Variants in XPO1 observed in about 807,000 individuals in gnomAD.
XPO1 encodes exportin-1.
Under a neutral mutation model 133.3 loss-of-function variants are expected in XPO1, and 5 were observed. The ratio of observed to expected loss-of-function variants is 0.04; its 90% CI spans 0.02 to 0.08. The LOEUF is 0.08. Among genes scored for constraint, XPO1 ranks in the 10% least tolerant of loss-of-function variants. The pLI is 1.00. For synonymous variants in XPO1, 419 were observed against 408.2 expected (o/e 1.03, Z -0.32); for missense variants, 506 against 1,267.5 (o/e 0.40, Z 9.12).
chr2:61,499,539 G>GATTT (rs1253313583), intron 7 of XPO1, among the ~76,000 whole-genome samples, 174 bp downstream of exon 7: 1 of 152,158 alleles, frequency 6.6e-6, no homozygotes, highest in Non-Finnish European at 1.5e-5. Context: ...AACCTTCAGA[G>GATTT]GTAAATTATT....
Position 61,496,956 on chromosome 2 carries a change from T to C in XPO1, c.811A>G (p.Ile271Val), listed in dbSNP as rs1697268779. The change falls in exon 10 of 25, where the codon ATT (isoleucine) becomes GTT (valine). Residue 271 changes from isoleucine (I) to valine (V), a missense_variant. This residue lies in a region of XPO1 where 134 missense variants were observed against 261.6 expected (regional missense o/e 0.51). Transcript: ENST00000401558. ...TATTGGCTTACACTCACACCAGCAA[T>C]CTCAGTGAGGCACTTCAGAGAGACA... is the stretch of plus-strand genomic sequence containing the variant. Reference protein sequence around the residue: ...RNVSLKCLTEIAGVSVSQYEE... With the variant: ...RNVSLKCLTEVAGVSVSQYEE... 1 of 1,613,516 alleles carries C rather than the reference T, an allele frequency of 6.2e-7. No individual in the cohort carries two copies.
At chr2:61,481,044 G>A in intron 24 of XPO1, 141 bp downstream of exon 24, 1 of 489,706 alleles carries the variant, frequency 2.0e-6, no homozygotes, top group Non-Finnish European at 3.6e-6. Flanking sequence ...CAGGTTTTTT[G>A]ATTACAGAGA....
chr2:61,482,479 A>G lies in XPO1; in HGVS notation c.2873T>C (p.Ile958Thr). ...YMFNLVEEGK[I>T]STSLNPGNPV... The stretch of plus-strand genomic sequence containing the variant: ...ATTTCCAGGATTTAATGATGTACTT[A>G]TTTTTCCTTCTTCAACCAAATTAAA... Residue 958 changes from isoleucine (I) to threonine (T), a missense_variant, in exon 23 of 25, where the codon ATA becomes ACA. Around this residue, in one of 6 missense-constraint regions of XPO1, gnomAD observed 203 missense variants for 365.9 expected, o/e 0.55. Coordinates refer to ENST00000401558, the MANE Select transcript of XPO1 (RefSeq NM_003400.4). 1 of 1,613,200 alleles carries G rather than the reference A, an allele frequency of 6.2e-7. No individual in the cohort carries two copies. The highest frequency in any genetic ancestry group is 8.5e-7 in the Non-Finnish European group (1 of 1,179,710).
intron 4 of XPO1, among the ~76,000 whole-genome samples, chr2:61,515,937 C>CCA (rs35237510): frequency 0.085 from 9,379 of 110,462 alleles, 486 homozygotes; most frequent in Admixed American, 0.11. Flanking sequence ...AAAAAAAAAA[C>CCA]CACACACACA....
At chr2:61,491,499 C>CCAAAA (rs747818924) in intron 16 of XPO1, among the ~76,000 whole-genome samples, 9 of 148,668 alleles carry the variant, frequency 6.1e-5, no homozygotes, top group African/African-American at 1.2e-4. Context: ...CACACACACC[C>CCAAAA]CAAAACAAAA....
intron 4 of XPO1, among the ~76,000 whole-genome samples, chr2:61,521,856 G>A (rs1280557142): frequency 6.6e-6 from 1 of 150,436 alleles, no homozygotes; most frequent in African/African-American, 2.5e-5. Flanking sequence ...CTTGGCTCAA[G>A]GGATCCTCCT....
rs768991130 is a variant in XPO1 at position 61,478,778 on chromosome 2, G to A, written c.*42C>T. 1.2e-5 allele frequency: 19 copies of A among 1,602,538 alleles called. No homozygotes were observed. Among genetic ancestry groups the A allele is most frequent in the Middle Eastern group, 3.3e-4 (2 of 6,048 alleles). On this transcript the variant is annotated 3_prime_UTR_variant, in exon 25 of 25. Transcript: ENST00000401558. Reference sequence around the variant, plus strand: ...AAATACCCACATGCTGTTTTCCTCTGCTAACGAGTTGCAGAGAAAAAAAAC... The same window carrying A: ...AAATACCCACATGCTGTTTTCCTCTACTAACGAGTTGCAGAGAAAAAAAAC...
rs1030125663 is a variant in XPO1 at position 61,537,546 on chromosome 2, G to A, written c.-7+16C>T. On this transcript the variant is annotated intron_variant, in intron 1 of 24. Transcript: ENST00000401558. ...CCGCCGCCCGACCCTCGGCCCCGAA[G>A]ACACAGTCGACTTACCCAGAGATTG... The A allele has an allele frequency of 1.3e-5, 2 of 150,492 alleles. No individual in the cohort carries two copies. The highest frequency in any genetic ancestry group is 2.4e-5 in the African/African-American group (1 of 41,114). The allele number at this position is 150,492 out of a possible 1,614,324, so 9.3% of individuals were successfully genotyped here.
chr2:61,499,851 C>A lies in XPO1; in HGVS notation c.452G>T (p.Ser151Ile). ...GGTCCTACTTGCTCCAACAATATCA[C>A]TGATAAAAGTTGGCCAATGTTTGGG... ...EWPKHWPTFI[S>I]DIVGASRTSE... The change falls in exon 7 of 25, where the codon AGT becomes ATT. Residue 151 changes from serine (S) to isoleucine (I), a missense_variant. Physicochemically the swap from Ser to Ile is moderately radical, Grantham distance 142 (BLOSUM62 -2). This residue lies in a region of XPO1 where 68 missense variants were observed against 210.5 expected (regional missense o/e 0.32). Transcript: ENST00000401558. 1 of 1,612,376 alleles carries A rather than the reference C, an allele frequency of 6.2e-7. No homozygotes were observed. Among genetic ancestry groups the A allele is most frequent in the Non-Finnish European group, 8.5e-7 (1 of 1,179,650 alleles).
intron 6 of XPO1, among the ~76,000 whole-genome samples, chr2:61,501,367 GAA>G (rs1697508237): frequency 6.6e-6 from 1 of 152,000 alleles, no homozygotes; most frequent in Non-Finnish European, 1.5e-5. Context: ...GAAGGACGAG[GAA>G]ATCAAAGGAC....
At chr2:61,493,164 G>A (rs1697074543) in intron 12 of XPO1, 111 bp from the exon 13 acceptor site, 1 of 1,112,808 alleles carries the variant, frequency 9.0e-7, no homozygotes, top group Non-Finnish European at 1.2e-6. Context: ...AGCCAGCCAT[G>A]TGTAGGGATT....
chr2:61,508,153 G>A (rs1046140271), intron 4 of XPO1, among the ~76,000 whole-genome samples: 1 of 152,044 alleles, frequency 6.6e-6, no homozygotes, highest in Non-Finnish European at 1.5e-5. Context: ...CACCTGAGGC[G>A]GAATTCAAGA....
intron 4 of XPO1, among the ~76,000 whole-genome samples, chr2:61,509,130 T>G (rs1470416264): frequency 1.3e-5 from 2 of 151,356 alleles, no homozygotes; most frequent in African/African-American, 4.9e-5. Flanking sequence ...CCTCCCAGAG[T>G]AGCTGGGATT....
intron 16 of XPO1, among the ~76,000 whole-genome samples, chr2:61,491,365 T>G (rs574380423): frequency 1.4e-4 from 21 of 148,952 alleles, no homozygotes; most frequent in African/African-American, 5.0e-4. Context: ...AGGAAGAGAA[T>G]CGTTTGACCC....
rs869071296 is a variant in XPO1, at chr2:61,515,919, TAA to T, written c.301+6690_301+6691del. Among the ~76,000 whole-genome samples the T allele has an allele frequency of 3.1e-3, 292 of 93,152 alleles. 1 individual carries two copies. The highest frequency in any genetic ancestry group is 0.012 in the African/African-American group (263 of 22,028). The allele number at this position is 93,152 out of a possible 152,430, so 61.1% of individuals were successfully genotyped here. A position where few individuals can be genotyped will look rare whatever the true frequency, so the allele number is the denominator to read the frequency against. On this transcript the variant is annotated intron_variant, in intron 4 of 24. Coordinates refer to ENST00000401558, the MANE Select transcript of XPO1 (RefSeq NM_003400.4). ...TAACACGGTGAAACCCCATCTCTACTAAAAAAAAAAAAAAAAACCACACACAC... is the reference window on the plus strand; with the variant it reads ...TAACACGGTGAAACCCCATCTCTACTAAAAAAAAAAAAAAACCACACACAC...
Position 61,477,887 on chromosome 2 carries a change from T to A in XPO1, c.*933A>T, listed in dbSNP as rs1457133730. On this transcript the variant is annotated 3_prime_UTR_variant, in exon 25 of 25. Coordinates refer to ENST00000401558, the MANE Select transcript of XPO1 (RefSeq NM_003400.4). ...ATGTTACTTGATGCTTAAACACAAA[T>A]ACCCACTATCATTAATATAGGAATA... 1 of 205,742 alleles carries A rather than the reference T, an allele frequency of 4.9e-6. No individual in the cohort carries two copies. The highest frequency in any genetic ancestry group is 6.0e-5 in the Admixed American group (1 of 16,760). The allele number at this position is 205,742 out of a possible 1,614,324, so 12.7% of individuals were successfully genotyped here. A position where few individuals can be genotyped will look rare whatever the true frequency, so the allele number is the denominator to read the frequency against.
intron 17 of XPO1, 66 bp from the exon 18 acceptor site, chr2:61,488,837 C>A: frequency 6.5e-7 from 1 of 1,549,018 alleles, no homozygotes; most frequent in Non-Finnish European, 8.8e-7. Context: ...AACAGTGGCT[C>A]ACGCCTGTAA....
At chr2:61,515,942 CACACACACACACA>C (rs1558664341) in intron 4 of XPO1, among the ~76,000 whole-genome samples, 37 of 48,570 alleles carry the variant, frequency 7.6e-4, no homozygotes, top group Non-Finnish European at 1.7e-3. Flanking sequence ...AAAAACCACA[CACACACACACACA>C]CACACACACA....
intron 20 of XPO1, 51 bp from the exon 21 acceptor site, chr2:61,484,156 T>C (rs1696551955): frequency 6.6e-7 from 1 of 1,505,682 alleles, no homozygotes; most frequent in Non-Finnish European, 9.2e-7. Context: ...TTTGTTGTGC[T>C]AGACAGGAGG....
Sources: allele counts gnomAD v4.1 joint callset (sites outside exome capture counted in the v4.1 genomes callset), GRCh38; gene constraint gnomAD v4.1.1; regional missense constraint gnomAD v4.1.1; transcripts MANE v1.5; gene names NCBI Gene and HGNC (gene_info 2026-07-23, HGNC 2026-07-21).